MAGI2: variants seen among roughly 807,000 people sequenced by gnomAD.
MAGI2 encodes the protein membrane-associated guanylate kinase, WW and PDZ domain-containing protein 2.
Under a neutral mutation model 133.3 loss-of-function variants are expected in MAGI2, and 35 were observed. That is an observed-to-expected ratio of 0.26 (90% CI 0.20 to 0.35). The LOEUF (loss-of-function observed/expected upper bound fraction) is 0.35. Among genes scored for constraint, MAGI2 ranks in the 10% least tolerant of loss-of-function variants. The probability of loss-of-function intolerance (pLI) is 1.00; values close to 1 mark genes in which losing one functional copy is unlikely to be tolerated. For synonymous variants in MAGI2, 729 were observed against 710.6 expected (o/e 1.03, Z -0.41); for missense variants, 1,636 against 1,863.4 (o/e 0.88, Z 2.25).
chr7:78,055,488 T>C (rs1185135395), intron 21 of MAGI2, among the ~76,000 whole-genome samples: 1 of 152,172 alleles, frequency 6.6e-6, no homozygotes, highest in Non-Finnish European at 1.5e-5. Flanking sequence ...GTCAAGACAA[T>C]TGATATTCTT....
intron 1 of MAGI2, among the ~76,000 whole-genome samples, chr7:79,336,256 A>T (rs1840431405): frequency 6.6e-6 from 1 of 152,084 alleles, no homozygotes; most frequent in African/African-American, 2.4e-5. Flanking sequence ...GAGGTTAAAT[A>T]GCATGTCTAA....
At chr7:78,603,286 G>A (rs113670822) in intron 3 of MAGI2, among the ~76,000 whole-genome samples, 82 of 152,280 alleles carry the variant, frequency 5.4e-4, no homozygotes, top group African/African-American at 1.9e-3. Context: ...CTTAAAGGAG[G>A]AAGTAATGAG....
intron 2 of MAGI2, among the ~76,000 whole-genome samples, chr7:78,667,837 A>C (rs1415561222): frequency 6.6e-6 from 1 of 152,028 alleles, no homozygotes. Flanking sequence ...TGTGAATAGT[A>C]CCGCAATAAA....
chr7:78,022,689 G>A (rs756700472), intron 21 of MAGI2, among the ~76,000 whole-genome samples: 14 of 152,158 alleles, frequency 9.2e-5, no homozygotes, highest in Non-Finnish European at 1.6e-4. Context: ...CTACATATCT[G>A]GCATTGAACT....
intron 1 of MAGI2, chr7:79,125,474 G>C (rs959475810): frequency 7.9e-6 from 4 of 508,760 alleles, no homozygotes; most frequent in Non-Finnish European, 1.6e-5. Context: ...GGCAGTCCTA[G>C]TTACTCCAGA....
At chr7:78,648,742 C>T (rs1811177225) in intron 2 of MAGI2, among the ~76,000 whole-genome samples, 1 of 152,142 alleles carries the variant, frequency 6.6e-6, no homozygotes, top group African/African-American at 2.4e-5. Flanking sequence ...TGTGTTTTTA[C>T]ATTGCAAAGA....
intron 1 of MAGI2, among the ~76,000 whole-genome samples, chr7:79,011,562 G>C (rs1456151943): frequency 6.6e-6 from 1 of 152,016 alleles, no homozygotes; most frequent in Non-Finnish European, 1.5e-5. Flanking sequence ...GAATGAAAGC[G>C]TACCTTATAA....
chr7:78,585,293 T>G (rs1344391188), intron 3 of MAGI2, among the ~76,000 whole-genome samples: 1 of 152,184 alleles, frequency 6.6e-6, no homozygotes, highest in East Asian at 1.9e-4. Flanking sequence ...GAGACACCGG[T>G]AACTTCACTT....
intron 3 of MAGI2, among the ~76,000 whole-genome samples, chr7:78,537,204 C>CACAG (rs371272692): frequency 1.3e-5 from 2 of 149,602 alleles, no homozygotes; most frequent in African/African-American, 2.4e-5. Flanking sequence ...CACACACACA[C>CACAG]ACAGACACAT....
chr7:79,424,936 A>C (rs1847234470), intron 1 of MAGI2, among the ~76,000 whole-genome samples: 1 of 152,274 alleles, frequency 6.6e-6, no homozygotes, highest in African/African-American at 2.4e-5. Flanking sequence ...CCAAAAATAA[A>C]GCCATATTTA....
At chr7:78,976,965 A>G (rs1382309895) in intron 2 of MAGI2, among the ~76,000 whole-genome samples, 1 of 151,720 alleles carries the variant, frequency 6.6e-6, no homozygotes, top group African/African-American at 2.4e-5. Context: ...AAATGGTAAC[A>G]TATTCTGTGT....
chr7:79,302,147 T>C (rs1359050419), intron 1 of MAGI2, among the ~76,000 whole-genome samples: 8 of 152,212 alleles, frequency 5.3e-5, no homozygotes, highest in Non-Finnish European at 1.0e-4. Flanking sequence ...ATACAGTCAG[T>C]AAAATATAGT....
intron 1 of MAGI2, among the ~76,000 whole-genome samples, chr7:79,285,878 A>C (rs868592813): frequency 6.6e-6 from 1 of 152,126 alleles, no homozygotes; most frequent in Non-Finnish European, 1.5e-5. Flanking sequence ...GAATGGGGCT[A>C]AGTTAATTAC....
intron 4 of MAGI2, among the ~76,000 whole-genome samples, chr7:78,520,673 AATTTT>A (rs1796419113): frequency 6.6e-6 from 1 of 152,160 alleles, no homozygotes; most frequent in South Asian, 2.1e-4. Flanking sequence ...AATTATGAAT[AATTTT>A]ATTTTAAAAA....
At chr7:79,331,756 G>A (rs577988447) in intron 1 of MAGI2, among the ~76,000 whole-genome samples, 2 of 152,132 alleles carry the variant, frequency 1.3e-5, no homozygotes, top group South Asian at 4.2e-4. Context: ...TTGGAAATTG[G>A]TCATGTAGTA....
At chr7:79,309,728 A>G (rs1838090504) in intron 1 of MAGI2, among the ~76,000 whole-genome samples, 1 of 151,914 alleles carries the variant, frequency 6.6e-6, no homozygotes, top group African/African-American at 2.4e-5. Context: ...TATGATGTTT[A>G]TCTAATATCT....
rs112045521 is a variant in MAGI2, at chr7:78,552,931, C to G, written c.539-31286G>C. On this transcript the variant is annotated intron_variant, in intron 3 of 21. Coordinates refer to ENST00000354212, the MANE Select transcript of MAGI2 (RefSeq NM_012301.4). ...TGGTAGAACGAGAACAAATTGCCCC[C>G]CCAAGGTCAGTGAGCTCCAGGCAAT... 3.9e-5 allele frequency among the ~76,000 whole-genome samples: 6 copies of G among 152,086 alleles called. 2 individuals are homozygous for G. The highest frequency in any genetic ancestry group is 1.4e-4 in the African/African-American group (6 of 41,488).
intron 2 of MAGI2, among the ~76,000 whole-genome samples, chr7:78,986,246 G>A (rs1042650320): frequency 2.0e-5 from 3 of 152,090 alleles, no homozygotes; most frequent in East Asian, 1.9e-4. Flanking sequence ...TTCTGAATAC[G>A]GGAAAAATGA....
At chr7:78,991,506 G>C (rs1180210825) in intron 2 of MAGI2, among the ~76,000 whole-genome samples, 2 of 151,038 alleles carry the variant, frequency 1.3e-5, no homozygotes, top group African/African-American at 4.9e-5. Context: ...TTATAATCAA[G>C]ATAAAAACTG....
Sources: gnomAD v4.1 joint callset for allele counts (sites outside exome capture counted in the v4.1 genomes callset) on GRCh38, gnomAD v4.1.1 for gene constraint, MANE v1.5 for transcripts, NCBI Gene and HGNC (gene_info 2026-07-23, HGNC 2026-07-21) for gene names.